PHKB: variants seen among roughly 807,000 people sequenced by gnomAD.
PHKB encodes the protein phosphorylase kinase regulatory subunit beta, also known as phosphorylase b kinase regulatory subunit beta.
Under a neutral mutation model 152.1 loss-of-function variants are expected in PHKB, and 122 were observed. That is an observed-to-expected ratio of 0.80 (90% CI 0.69 to 0.93). The LOEUF is 0.93. Among genes scored for constraint, PHKB ranks in the 40% least tolerant of loss-of-function variants. PHKB has a pLI of 0.00. For missense variants in PHKB, 1,304 were observed against 1,328.4 expected (o/e 0.98, Z 0.29); for synonymous variants, 436 against 464.9 (o/e 0.94, Z 0.80).
chr16:47,690,137 A>G (rs997265473), intron 27 of PHKB, among the ~76,000 whole-genome samples: 14 of 152,240 alleles, frequency 9.2e-5, no homozygotes, highest in African/African-American at 3.4e-4. Context: ...ACCCCCAAGT[A>G]TATGTGGAAA....
intron 14 of PHKB, among the ~76,000 whole-genome samples, chr16:47,618,462 T>C (rs2151713509): frequency 6.6e-6 from 1 of 152,316 alleles, no homozygotes; most frequent in East Asian, 1.9e-4. Flanking sequence ...CTATACTCAA[T>C]GTTTCTTCAG....
At chr16:47,517,918 A>T (rs1334195176) in intron 6 of PHKB, among the ~76,000 whole-genome samples, 1 of 152,132 alleles carries the variant, frequency 6.6e-6, no homozygotes, top group Non-Finnish European at 1.5e-5. Flanking sequence ...TTTCCTTGAG[A>T]TTCTGTATAA....
At chr16:47,526,996 G>A (rs1230988456) in intron 6 of PHKB, among the ~76,000 whole-genome samples, 1 of 152,156 alleles carries the variant, frequency 6.6e-6, no homozygotes, top group Non-Finnish European at 1.5e-5. Flanking sequence ...GGAGCAAGAG[G>A]GAGTGGGGAG....
At chr16:47,672,023 A>G (rs1397882535) in intron 26 of PHKB, among the ~76,000 whole-genome samples, 1 of 152,124 alleles carries the variant, frequency 6.6e-6, no homozygotes, top group African/African-American at 2.4e-5. Flanking sequence ...ATATATATCA[A>G]ATTGGTGTCA....
intron 29 of PHKB, among the ~76,000 whole-genome samples, chr16:47,697,464 C>G (rs1314253580): frequency 6.6e-6 from 1 of 152,194 alleles, no homozygotes; most frequent in Non-Finnish European, 1.5e-5. Flanking sequence ...CATAGAGATC[C>G]TTCTTGTTGA....
At chr16:47,592,294 G>T (rs1447681563) in intron 10 of PHKB, among the ~76,000 whole-genome samples, 1 of 152,180 alleles carries the variant, frequency 6.6e-6, no homozygotes, top group Non-Finnish European at 1.5e-5. Flanking sequence ...ATTCACCTGT[G>T]GTTCTCTTTT....
At chr16:47,473,224 T>TTC (rs1290450499) in intron 1 of PHKB, among the ~76,000 whole-genome samples, 4 of 102,420 alleles carry the variant, frequency 3.9e-5, no homozygotes, top group African/African-American at 1.2e-4. Flanking sequence ...GCTAATTTTT[T>TTC]TTTTTTTTTT....
chr16:47,499,900 C>T lies in PHKB; in HGVS notation c.305+6C>T. 6.2e-7 allele frequency: 1 copy of T among 1,614,068 alleles called. No individual in the cohort carries two copies. Among genetic ancestry groups the T allele is most frequent in the South Asian group, 1.1e-5 (1 of 91,080 alleles). On this transcript the variant is annotated splice_donor_region_variant and intron_variant, in intron 3 of 30. Transcript: ENST00000323584. ...GCTTTGGCTCTTGCATACAGGTGAGCTGGTGTGTGTTCTCCTCGTAACTTT... is the reference window on the plus strand; with the variant it reads ...GCTTTGGCTCTTGCATACAGGTGAGTTGGTGTGTGTTCTCCTCGTAACTTT...
chr16:47,587,827 T>A (rs748265945), intron 9 of PHKB, 64 bp downstream of exon 9: 2 of 1,214,834 alleles, frequency 1.6e-6, no homozygotes, highest in Non-Finnish European at 2.4e-6. Context: ...TGTAGTTATA[T>A]CTTAATTTCC....
chr16:47,667,398 C>T (rs1366206443), intron 25 of PHKB, among the ~76,000 whole-genome samples: 1 of 152,130 alleles, frequency 6.6e-6, no homozygotes, highest in Non-Finnish European at 1.5e-5. Flanking sequence ...TCATACACTC[C>T]AGCCTGGGCA....
intron 13 of PHKB, among the ~76,000 whole-genome samples, chr16:47,604,142 C>G (rs1972283038): frequency 6.6e-6 from 1 of 152,136 alleles, no homozygotes; most frequent in South Asian, 2.1e-4. Context: ...CTTAGTCACT[C>G]TTCTGTGAAT....
intron 14 of PHKB, among the ~76,000 whole-genome samples, chr16:47,612,705 G>A (rs1264210396): frequency 6.6e-6 from 1 of 152,170 alleles, no homozygotes; most frequent in African/African-American, 2.4e-5. Context: ...TTTCCGAGAG[G>A]GAGGTGATGG....
At chr16:47,593,192 A>G (rs1347976625) in intron 10 of PHKB, among the ~76,000 whole-genome samples, 25 of 128,828 alleles carry the variant, frequency 1.9e-4, no homozygotes, top group African/African-American at 7.2e-4. Flanking sequence ...AGAGGGAGGG[A>G]GAGAGAGAGA....
intron 11 of PHKB, among the ~76,000 whole-genome samples, chr16:47,593,759 A>C (rs1423121472): frequency 6.6e-6 from 1 of 152,344 alleles, no homozygotes; most frequent in Non-Finnish European, 1.5e-5. Flanking sequence ...CATTTAAAGA[A>C]TTAAAAAAAC....
At chr16:47,482,274 A>T (rs1036601080) in intron 1 of PHKB, among the ~76,000 whole-genome samples, 4 of 152,340 alleles carry the variant, frequency 2.6e-5, no homozygotes, top group African/African-American at 9.6e-5. Context: ...TAGCCAATAA[A>T]CAAAACTTCA....
At chr16:47,698,715 T>C (rs1347101159) in intron 30 of PHKB, 127 bp downstream of exon 30, 3 of 792,390 alleles carry the variant, frequency 3.8e-6, no homozygotes, top group Non-Finnish European at 3.9e-6. Flanking sequence ...AATAGGATAC[T>C]TGAGGGGCAG....
chr16:47,503,568 C>T (rs971979612), intron 4 of PHKB, among the ~76,000 whole-genome samples: 3 of 152,254 alleles, frequency 2.0e-5, no homozygotes, highest in South Asian at 4.1e-4. Context: ...CAGTGGCTCA[C>T]GCCTGTAATC....
At chr16:47,632,749 A>G (rs952580026) in intron 14 of PHKB, among the ~76,000 whole-genome samples, 10 of 152,238 alleles carry the variant, frequency 6.6e-5, no homozygotes, top group Non-Finnish European at 1.5e-4. Flanking sequence ...ATTAGGGCAC[A>G]TTCACATTAA....
intron 24 of PHKB, 48 bp downstream of exon 24, chr16:47,663,782 A>G (rs201400248): frequency 9.3e-6 from 10 of 1,070,742 alleles, no homozygotes; most frequent in Non-Finnish European, 1.5e-5. Context: ...GTGTTGTTAT[A>G]TTCGATAGCC....
Sources: gnomAD v4.1 joint callset for allele counts (sites outside exome capture counted in the v4.1 genomes callset) on GRCh38, gnomAD v4.1.1 for gene constraint, MANE v1.5 for transcripts, NCBI Gene and HGNC (gene_info 2026-07-23, HGNC 2026-07-21) for gene names.